TMLHE: variants seen among roughly 807,000 people sequenced by gnomAD.
The protein encoded by TMLHE is trimethyllysine hydroxylase, epsilon.
A neutral mutation model predicts 25.7 loss-of-function variants in TMLHE; 18 were observed. The observed-to-expected ratio is 0.70, with a 90% CI of 0.48 to 1.04. The LOEUF (loss-of-function observed/expected upper bound fraction) is 1.04, where lower values mean the gene tolerates loss of function less well. TMLHE is among the 50% of genes least tolerant of loss of function. The pLI, the probability that TMLHE is intolerant of heterozygous loss-of-function variation, is 0.00. For synonymous variants in TMLHE, 105 were observed against 97.0 expected (o/e 1.08, Z -0.49); for missense variants, 236 against 259.0 (o/e 0.91, Z 0.61).
intron 2 of TMLHE, among the ~76,000 whole-genome samples, chrX:155,533,193 T>C (rs782174253): frequency 6.3e-5 from 7 of 111,876 alleles, no homozygotes; most frequent in Non-Finnish European, 9.4e-5. Context: ...TTTTAGGCCT[T>C]TGAACTTCGA....
At chrX:155,548,679 G>C (rs782802204) in intron 1 of TMLHE, among the ~76,000 whole-genome samples, 5 of 108,038 alleles carry the variant, frequency 4.6e-5, no homozygotes, top group South Asian at 4.1e-4. Flanking sequence ...AGGTTGCAGT[G>C]AGCTGAGATT....
At chrX:155,578,788 C>G (rs1557344149) in intron 1 of TMLHE, among the ~76,000 whole-genome samples, 1 of 111,115 alleles carries the variant, frequency 9.0e-6, no homozygotes, top group Non-Finnish European at 1.9e-5. Context: ...GACAGGCAAG[C>G]TCAGCCCACT....
At chrX:155,513,874 A>G in intron 4 of TMLHE, 112 bp downstream of exon 4, 1 of 819,763 alleles carries the variant, frequency 1.2e-6, no homozygotes, top group South Asian at 2.6e-5. Flanking sequence ...TCATGCTACA[A>G]AATATTCTGG....
At chrX:155,522,414 C>A (rs918479641) in intron 3 of TMLHE, among the ~76,000 whole-genome samples, 13 of 111,639 alleles carry the variant, frequency 1.2e-4, no homozygotes, top group Non-Finnish European at 2.4e-4. Context: ...CAGATTTAAC[C>A]AGTTAAACAT....
intron 5 of TMLHE, among the ~76,000 whole-genome samples, chrX:155,507,924 GAGA>G (rs782080604): frequency 9.0e-6 from 1 of 111,241 alleles, no homozygotes; most frequent in Non-Finnish European, 1.9e-5. Flanking sequence ...GGGCGTTATA[GAGA>G]AGAAGACACA....
rs2067240957 is a variant in TMLHE at position 155,530,116 on chromosome X, C to T, written c.182-5484G>A. Among the ~76,000 whole-genome samples, 10 of 112,089 alleles carry T rather than the reference C, an allele frequency of 8.9e-5. No individual in the cohort carries two copies. In the South Asian group the frequency reaches 3.7e-3, roughly 42 times the overall value. On this transcript the variant is annotated intron_variant, in intron 2 of 7. Transcript: ENST00000334398. ...AAGTACTACCTCATAAAGATACCTG[C>T]ACTTCCATGTTCATTGCAGCATTAT... is the stretch of plus-strand genomic sequence containing the variant.
intron 1 of TMLHE, among the ~76,000 whole-genome samples, chrX:155,554,791 G>T (rs1394797401): frequency 9.1e-6 from 1 of 109,915 alleles, no homozygotes; most frequent in Non-Finnish European, 1.9e-5. Flanking sequence ...TTATGTATAT[G>T]GGACAGCTGA....
At chrX:155,532,029 G>T (rs1557337103) in intron 2 of TMLHE, among the ~76,000 whole-genome samples, 1 of 111,068 alleles carries the variant, frequency 9.0e-6, no homozygotes, top group African/African-American at 3.3e-5. Context: ...CACACTGCAG[G>T]GCACAAAGAC....
chrX:155,576,034 A>T (rs968869240), intron 1 of TMLHE, among the ~76,000 whole-genome samples: 8 of 111,849 alleles, frequency 7.2e-5, no homozygotes, highest in African/African-American at 2.6e-4. Flanking sequence ...AAGGCATCCA[A>T]ATAGGAAGAG....
intron 1 of TMLHE, among the ~76,000 whole-genome samples, chrX:155,592,729 T>G (rs2067700424): frequency 8.9e-6 from 1 of 112,294 alleles, no homozygotes; most frequent in Non-Finnish European, 1.9e-5. Context: ...GCAGAGCTCA[T>G]AACCACCAGT....
intron 2 of TMLHE, among the ~76,000 whole-genome samples, chrX:155,541,477 G>T (rs1213656409): frequency 9.0e-6 from 1 of 111,387 alleles, no homozygotes; most frequent in Admixed American, 9.6e-5. Context: ...CCAAGTCTTT[G>T]TTATTGTGAA....
chrX:155,560,294 C>T (rs1345121958), intron 1 of TMLHE, among the ~76,000 whole-genome samples: 1 of 110,521 alleles, frequency 9.0e-6, no homozygotes, highest in Non-Finnish European at 1.9e-5. Flanking sequence ...CTCTTATTAA[C>T]TAATTAATTA....
intron 2 of TMLHE, among the ~76,000 whole-genome samples, chrX:155,538,656 A>G (rs2067293827): frequency 8.9e-6 from 1 of 111,796 alleles, no homozygotes; most frequent in African/African-American, 3.3e-5. Context: ...GATGCCCCAT[A>G]TCCAATCACT....
chrX:155,565,301 T>C (rs2067508575), intron 1 of TMLHE, among the ~76,000 whole-genome samples: 1 of 61,455 alleles, frequency 1.6e-5, no homozygotes, highest in African/African-American at 3.6e-5. Context: ...TCTACCATAA[T>C]GGGTATGGCT....
intron 5 of TMLHE, 83 bp downstream of exon 5, chrX:155,511,590 C>T (rs1017543522): frequency 6.3e-5 from 62 of 989,966 alleles, no homozygotes; most frequent in South Asian, 5.0e-4. Context: ...GATCTTGGTT[C>T]GAACAGAATG....
In TMLHE at chrX:155,573,734, C is replaced by G. The variant is rs1326235201; in HGVS notation, c.-1-28457G>C. ...CATTCTCAGTAAACTATCACAAGAA[C>G]AAAAAACCAAACACTGCATATTCTC... On this transcript the variant is annotated intron_variant, in intron 1 of 7. Transcript: ENST00000334398. Among the ~76,000 whole-genome samples the G allele has an allele frequency of 8.1e-5, 4 of 49,124 alleles. 1 individual carries two copies. In the East Asian group the frequency reaches 3.5e-3, roughly 43 times the overall value. 42.7% of individuals were successfully genotyped at this position (49,124 alleles called of 115,157 possible). A position where few individuals can be genotyped will look rare whatever the true frequency, so the allele number is the denominator to read the frequency against.
At chrX:155,593,351 A>G (rs373911460) in intron 1 of TMLHE, among the ~76,000 whole-genome samples, 33 of 111,904 alleles carry the variant, frequency 2.9e-4, no homozygotes, top group African/African-American at 1.0e-3. Flanking sequence ...CAGCCCACCA[A>G]GCTAGAAAAT....
chrX:155,510,114 AC>A (rs2067097742), intron 5 of TMLHE, among the ~76,000 whole-genome samples: 1 of 111,054 alleles, frequency 9.0e-6, no homozygotes, highest in African/African-American at 3.3e-5. Flanking sequence ...AAATTCCAAA[AC>A]TAATGGTTAG....
intron 1 of TMLHE, among the ~76,000 whole-genome samples, chrX:155,547,302 G>A (rs1169748110): frequency 6.2e-5 from 6 of 97,496 alleles, no homozygotes; most frequent in Admixed American, 1.1e-4. Flanking sequence ...CTGCCACCAC[G>A]CCCGGCTAAT....
Sources: gnomAD v4.1 joint callset for allele counts (sites outside exome capture counted in the v4.1 genomes callset) on GRCh38, gnomAD v4.1.1 for gene constraint, MANE v1.5 for transcripts, NCBI Gene and HGNC (gene_info 2026-07-23, HGNC 2026-07-21) for gene names.